The following PLEKHH2 variants were observed in gnomAD, a reference collection of about 807,000 sequenced individuals.
The protein encoded by PLEKHH2 is pleckstrin homology, MyTH4 and FERM domain containing H2.
A neutral mutation model predicts 187.9 loss-of-function variants in PLEKHH2; 129 were observed. The ratio of observed to expected loss-of-function variants is 0.69; its 90% CI spans 0.59 to 0.79. The LOEUF is 0.79. PLEKHH2 is among the 30% of genes least tolerant of loss of function. PLEKHH2 has a pLI of 0.00. For synonymous variants in PLEKHH2, 686 were observed against 605.6 expected, an observed-to-expected ratio of 1.13 and a Z score of -1.95; for missense variants, 2,076 against 1,751.2, an observed-to-expected ratio of 1.19 and a Z score of -3.31.
At position 43,745,981 on chromosome 2, in the gene PLEKHH2, C is replaced by G; in HGVS notation, c.3653+18C>G. ...AAAAACAGGTGTGTAATACTGCATC[C>G]AGATGCCAAAGTATGAGTATACAAT... On this transcript the variant is annotated intron_variant, in intron 24 of 29. Transcript: ENST00000282406. 6.6e-7 allele frequency: 1 copy of G among 1,518,712 alleles called. No individual in the cohort carries two copies. The highest frequency in any genetic ancestry group is 9.1e-7 in the Non-Finnish European group (1 of 1,103,480). The allele number at this position is 1,518,712 out of a possible 1,614,324, so 94.1% of individuals were successfully genotyped here. A position where few individuals can be genotyped will look rare whatever the true frequency, so the allele number is the denominator to read the frequency against.
At chr2:43,678,628 C>A (rs1237317152) in intron 2 of PLEKHH2, among the ~76,000 whole-genome samples, 1 of 151,950 alleles carries the variant, frequency 6.6e-6, no homozygotes, top group Non-Finnish European at 1.5e-5. Context: ...GAGAATCAGG[C>A]AGGGAGGTTG....
intron 26 of PLEKHH2, among the ~76,000 whole-genome samples, chr2:43,758,678 C>T (rs568690624): frequency 7.9e-5 from 12 of 152,194 alleles, no homozygotes; most frequent in Admixed American, 7.2e-4. Context: ...TAGTTCATGC[C>T]GAAAACACGA....
intron 2 of PLEKHH2, among the ~76,000 whole-genome samples, chr2:43,668,493 C>G (rs978322394): frequency 3.3e-5 from 5 of 152,120 alleles, no homozygotes; most frequent in Admixed American, 6.5e-5. Context: ...TAAATAAATA[C>G]TGATGATTTA....
chr2:43,673,960 T>C (rs894900185), intron 2 of PLEKHH2, among the ~76,000 whole-genome samples: 1 of 152,158 alleles, frequency 6.6e-6, no homozygotes, highest in Non-Finnish European at 1.5e-5. Context: ...TAGTACAAGA[T>C]AGGAAGTCAG....
At chr2:43,744,867 C>CAAAAAAAAAAAAAA (rs774106764) in intron 23 of PLEKHH2, among the ~76,000 whole-genome samples, 5 of 82,750 alleles carry the variant, frequency 6.0e-5, no homozygotes, top group African/African-American at 1.3e-4. Flanking sequence ...GACTGTCTCA[C>CAAAAAAAAAAAAAA]AAAAAAAAAA....
At chr2:43,648,406 C>T (rs1339991083) in intron 2 of PLEKHH2, among the ~76,000 whole-genome samples, 1 of 152,120 alleles carries the variant, frequency 6.6e-6, no homozygotes, top group East Asian at 1.9e-4. Flanking sequence ...CCAGGATGGT[C>T]TCGAACTCCT....
intron 10 of PLEKHH2, among the ~76,000 whole-genome samples, chr2:43,707,123 G>A (rs556947653): frequency 6.7e-4 from 101 of 150,374 alleles, no homozygotes; most frequent in African/African-American, 2.4e-3. Flanking sequence ...TTGAACCTGG[G>A]AGGCGGAGGT....
chr2:43,725,738 T>C (rs1670706528), intron 16 of PLEKHH2, among the ~76,000 whole-genome samples: 1 of 152,244 alleles, frequency 6.6e-6, no homozygotes, highest in Non-Finnish European at 1.5e-5. Flanking sequence ...TTCTTTCATA[T>C]TACTTTTAGG....
At chr2:43,641,536 T>C (rs1331686641) in intron 1 of PLEKHH2, among the ~76,000 whole-genome samples, 1 of 152,202 alleles carries the variant, frequency 6.6e-6, no homozygotes, top group African/African-American at 2.4e-5. Flanking sequence ...CCTTTAGTGT[T>C]AGTGTATTTT....
intron 14 of PLEKHH2, chr2:43,712,006 G>A: frequency 7.9e-7 from 1 of 1,272,916 alleles, no homozygotes. Flanking sequence ...GTAAACTGGA[G>A]TAACAAAGTT....
chr2:43,649,157 T>A (rs180995010), intron 2 of PLEKHH2, among the ~76,000 whole-genome samples: 61 of 152,090 alleles, frequency 4.0e-4, no homozygotes, highest in Admixed American at 3.7e-3. Flanking sequence ...GTGGGAGAGG[T>A]CTTTAGAGGA....
chr2:43,656,724 A>G (rs548779054), intron 2 of PLEKHH2, among the ~76,000 whole-genome samples: 23 of 152,370 alleles, frequency 1.5e-4, no homozygotes, highest in African/African-American at 5.5e-4. Context: ...TCCATTAGAG[A>G]AAACCTTAGT....
At position 43,700,491 on chromosome 2, in the gene PLEKHH2, A is replaced by T; in HGVS notation, c.1533A>T (p.Leu511Phe). The T allele has an allele frequency of 6.2e-7, 1 of 1,614,050 alleles. No individual in the cohort carries two copies. Among genetic ancestry groups the T allele is most frequent in the Non-Finnish European group, 8.5e-7 (1 of 1,180,016 alleles). ...ENMDTSCDDG[L>F]FSYDSLDSPN... is the part of the protein sequence containing the mutation. ...TGGACACGAGTTGTGATGATGGATTATTTTCCTATGACTCCTTGGACTCTC... is the reference window on the plus strand; with the variant it reads ...TGGACACGAGTTGTGATGATGGATTTTTTTCCTATGACTCCTTGGACTCTC... The change falls in exon 8 of 30, where the codon TTA becomes TTT. Residue 511 changes from leucine to phenylalanine, a missense_variant. Transcript: ENST00000282406.
At chr2:43,708,416 T>C (rs1217695157) in intron 11 of PLEKHH2, among the ~76,000 whole-genome samples, 1 of 152,214 alleles carries the variant, frequency 6.6e-6, no homozygotes, top group East Asian at 1.9e-4. Flanking sequence ...TTGGCACTGC[T>C]GTTTCCTCCA....
intron 14 of PLEKHH2, 75 bp from the exon 15 acceptor site, chr2:43,712,150 A>G (rs1669996477): frequency 4.6e-6 from 7 of 1,532,026 alleles, no homozygotes; most frequent in South Asian, 1.1e-5. Context: ...TGACGTTTGA[A>G]TAATGAACAA....
chr2:43,700,289 C>G lies in PLEKHH2; in HGVS notation c.1331C>G (p.Pro444Arg). 4 of 1,614,050 alleles carry G rather than the reference C, an allele frequency of 2.5e-6. No individual in the cohort carries two copies. Among genetic ancestry groups the G allele is most frequent in the Non-Finnish European group, 3.4e-6 (4 of 1,179,974 alleles). Residue 444 changes from proline (P) to arginine (R), a missense_variant, in exon 8 of 30, where the codon CCT (proline) becomes CGT (arginine). Physicochemically the swap from Pro to Arg is moderately radical, Grantham distance 103 (BLOSUM62 -2). Transcript: ENST00000282406. Reference protein sequence around the residue: ...SHLPPPKLRIPNVFSISVALA... With the variant: ...SHLPPPKLRIRNVFSISVALA... ...CTGCCACCCCCAAAGTTAAGGATTC[C>G]TAATGTTTTCAGTATAAGTGTAGCA...
In PLEKHH2 at chr2:43,697,202, T is replaced by C; in HGVS notation, c.534T>C (p.Ser178=). ...EVQGKKSSTV[S]TLKLSEGQRL... is the part of the protein sequence containing the mutation. ...AAGGAAAGAAGTCATCCACTGTCTC[T>C]ACACTAAAGCTTTCGGAAGGCCAGC... Residue 178 remains serine, a synonymous_variant, in exon 7 of 30, where the codon TCT becomes TCC. Transcript: ENST00000282406. 1 of 1,608,394 alleles carries C rather than the reference T, an allele frequency of 6.2e-7. No homozygotes were observed. The highest frequency in any genetic ancestry group is 8.5e-7 in the Non-Finnish European group (1 of 1,177,862).
rs1412585576 is a variant in PLEKHH2 at position 43,700,337 on chromosome 2, A to C, written c.1379A>C (p.Gln460Pro). 6.2e-7 allele frequency: 1 copy of C among 1,614,206 alleles called. No individual in the cohort carries two copies. The highest frequency in any genetic ancestry group is 1.3e-5 in the African/African-American group (1 of 75,052). ...GCACTAGCCAAAAGGCACTTAAGCC[A>C]GCCACAGTTAAGCTCTGACAGGATG... ...SVALAKRHLS[Q>P]PQLSSDRMFG... The change falls in exon 8 of 30, where the codon CAG becomes CCG. Residue 460 changes from glutamine (Q) to proline (P), a missense_variant. By Grantham distance (76) the Gln-to-Pro change is moderately conservative (BLOSUM62 -1). Transcript: ENST00000282406.
chr2:43,680,905 C>G, intron 3 of PLEKHH2: 1 of 615,918 alleles, frequency 1.6e-6, no homozygotes, highest in Non-Finnish European at 2.8e-6. Context: ...CTGTTTCTGC[C>G]TGGTTGAAAT....
Sources: allele counts gnomAD v4.1 joint callset (sites outside exome capture counted in the v4.1 genomes callset), GRCh38; gene constraint gnomAD v4.1.1; transcripts MANE v1.5; gene names NCBI Gene and HGNC (gene_info 2026-07-23, HGNC 2026-07-21).